ST7L: variants seen among roughly 807,000 people sequenced by gnomAD.
The protein encoded by ST7L is suppressor of tumorigenicity 7 protein-like.
A neutral mutation model predicts 72.5 loss-of-function variants in ST7L; 57 were observed. The ratio of observed to expected loss-of-function variants is 0.79; its 90% confidence interval spans 0.64 to 0.98. The LOEUF (loss-of-function observed/expected upper bound fraction) is 0.98. Among genes scored for constraint, ST7L ranks in the 50% least tolerant of loss-of-function variants. The probability of loss-of-function intolerance (pLI) is 0.00; values close to 1 mark genes in which losing one functional copy is unlikely to be tolerated. For synonymous variants in ST7L, 221 were observed against 240.9 expected, an observed-to-expected ratio of 0.92 and a Z score of 0.77; for missense variants, 576 against 672.2, an observed-to-expected ratio of 0.86 and a Z score of 1.58.
chr1:112,533,363 G>A (rs954436350), intron 14 of ST7L, among the ~76,000 whole-genome samples: 1 of 151,848 alleles, frequency 6.6e-6, no homozygotes, highest in Non-Finnish European at 1.5e-5. Flanking sequence ...TCTGTTGCCA[G>A]GCTGGAGTGC....
intron 14 of ST7L, among the ~76,000 whole-genome samples, chr1:112,541,584 G>A (rs1336563794): frequency 6.6e-6 from 1 of 152,048 alleles, no homozygotes. Flanking sequence ...AACAAATCCT[G>A]AGAACTAATG....
intron 11 of ST7L, among the ~76,000 whole-genome samples, chr1:112,558,457 T>C (rs751842244): frequency 5.3e-5 from 8 of 152,244 alleles, no homozygotes; most frequent in Non-Finnish European, 7.3e-5. Context: ...GTACTCCTCA[T>C]ATTATATCTA....
chr1:112,605,293 T>C (rs2100981307), intron 3 of ST7L, among the ~76,000 whole-genome samples: 1 of 152,246 alleles, frequency 6.6e-6, no homozygotes, highest in African/African-American at 2.4e-5. Context: ...CTCGGGAGGC[T>C]GAGGCAGGAG....
intron 11 of ST7L, among the ~76,000 whole-genome samples, chr1:112,568,861 A>AATATATATAAATATATATATAT (rs1410937307): frequency 1.7e-5 from 2 of 114,916 alleles, no homozygotes; most frequent in African/African-American, 7.0e-5. Flanking sequence ...TATAAATATA[A>AATATATATAAATATATATATAT]ATATATATAT....
At chr1:112,581,461 C>T (rs1664106967) in intron 9 of ST7L, among the ~76,000 whole-genome samples, 2 of 149,814 alleles carry the variant, frequency 1.3e-5, no homozygotes, top group Admixed American at 1.3e-4. Flanking sequence ...TACAGTGGTG[C>T]AGTCACAGCT....
chr1:112,577,293 C>A (rs1663264125), intron 10 of ST7L, among the ~76,000 whole-genome samples: 2 of 150,684 alleles, frequency 1.3e-5, no homozygotes, highest in African/African-American at 4.9e-5. Flanking sequence ...CTTTGGGAGG[C>A]TGAGATAGGT....
chr1:112,574,853 G>A lies in ST7L; in HGVS notation c.1245+2133C>T, dbSNP rs184575058. 5.3e-4 allele frequency among the ~76,000 whole-genome samples: 81 copies of A among 152,198 alleles called. 1 individual carries two copies. Among genetic ancestry groups the A allele is most frequent in the African/African-American group, 1.7e-3 (71 of 41,526 alleles). Reference sequence around the variant, plus strand: ...TGATAATGTTCTGTTTCTTGATCTCGATAGTTTTCAAGCATTTACTTTGTA... The same window carrying A: ...TGATAATGTTCTGTTTCTTGATCTCAATAGTTTTCAAGCATTTACTTTGTA... On this transcript the variant is annotated intron_variant, in intron 11 of 14. Coordinates refer to ENST00000358039, the MANE Select transcript of ST7L (RefSeq NM_017744.5).
rs1287878473 is a variant in ST7L at position 112,523,885 on chromosome 1, A to G, written c.*2128T>C. The G allele has an allele frequency of 6.6e-6, 1 of 152,108 alleles. No homozygotes were observed. The highest frequency in any genetic ancestry group is 2.4e-5 in the African/African-American group (1 of 41,400). 9.4% of individuals were successfully genotyped at this position (152,108 alleles called of 1,614,324 possible). A position where few individuals can be genotyped will look rare whatever the true frequency, so the allele number is the denominator to read the frequency against. ...TGTAAAAGTAAGAATGCCAGCCTTA[A>G]CCTAGCCCTGCAGATAAAAGCTAAC... On this transcript the variant is annotated 3_prime_UTR_variant, in exon 15 of 15. Transcript: ENST00000358039.
At chr1:112,560,967 GA>G (rs35379282) in intron 11 of ST7L, among the ~76,000 whole-genome samples, 16,852 of 90,208 alleles carry the variant, frequency 0.19, 1,203 homozygotes, top group Non-Finnish European at 0.26. Flanking sequence ...ACATCTTAAA[GA>G]AAAAAAAAAA....
intron 2 of ST7L, among the ~76,000 whole-genome samples, chr1:112,612,063 C>T (rs758209639): frequency 1.3e-5 from 2 of 151,220 alleles, no homozygotes; most frequent in Non-Finnish European, 2.9e-5. Context: ...ATAAACAAAG[C>T]ATATGCACAA....
At chr1:112,591,431 T>C in intron 6 of ST7L, 94 bp downstream of exon 6, 1 of 1,030,670 alleles carries the variant, frequency 9.7e-7, no homozygotes, top group Non-Finnish European at 1.4e-6. Context: ...GACTAATGAC[T>C]CCAAGTGTCT....
rs1221043511 is a variant in ST7L, at chr1:112,557,010, GA to G, written c.1246-993del. Among the ~76,000 whole-genome samples the G allele has an allele frequency of 6.6e-3, 595 of 90,132 alleles. 2 individuals are homozygous for G. Among genetic ancestry groups the G allele is most frequent in the African/African-American group, 0.022 (561 of 26,026 alleles). 59.1% of individuals were successfully genotyped at this position (90,132 alleles called of 152,430 possible). On this transcript the variant is annotated intron_variant, in intron 11 of 14. Coordinates refer to ENST00000358039, the MANE Select transcript of ST7L (RefSeq NM_017744.5). The stretch of plus-strand genomic sequence containing the variant: ...CAAAAAAAAAAAAACACAAAGAAAA[GA>G]AAAAAAAAGGTGCAATACATAGGAA...
At chr1:112,599,564 G>A (rs1316006390) in intron 4 of ST7L, among the ~76,000 whole-genome samples, 1 of 152,164 alleles carries the variant, frequency 6.6e-6, no homozygotes, top group Non-Finnish European at 1.5e-5. Context: ...AAAACCAGAA[G>A]AGAAATGGAC....
chr1:112,547,193 C>CTTTT (rs759140130), intron 13 of ST7L, among the ~76,000 whole-genome samples: 14 of 137,508 alleles, frequency 1.0e-4, no homozygotes, highest in South Asian at 4.7e-4. Flanking sequence ...TTCTTTCTTT[C>CTTTT]TTTTTTTTTT....
rs191874759 is a variant in ST7L, at chr1:112,603,870, C to T, written c.452-3022G>A. Among the ~76,000 whole-genome samples, 325 of 152,242 alleles carry T rather than the reference C, an allele frequency of 2.1e-3. 1 individual carries two copies. The highest frequency in any genetic ancestry group is 3.2e-3 in the Non-Finnish European group (217 of 68,020). ...CTTCCTGTCTTATCAGGTTTCCACT[C>T]TATTTTATCTTAATTACCACCTGAA... On this transcript the variant is annotated intron_variant, in intron 3 of 14. Transcript: ENST00000358039.
chr1:112,578,671 G>A (rs557384971), intron 9 of ST7L, among the ~76,000 whole-genome samples: 9 of 152,290 alleles, frequency 5.9e-5, no homozygotes, highest in African/African-American at 1.9e-4. Context: ...CTACTCAGGA[G>A]GCTGAGGCAG....
chr1:112,571,027 G>T (rs555837437), intron 11 of ST7L, among the ~76,000 whole-genome samples: 1 of 152,186 alleles, frequency 6.6e-6, no homozygotes, highest in Non-Finnish European at 1.5e-5. Context: ...AAAATTAGCT[G>T]CACGTGGTGG....
rs114209962 is a variant in ST7L at position 112,566,891 on chromosome 1, G to A, written c.1245+10095C>T. 1.9e-3 allele frequency among the ~76,000 whole-genome samples: 296 copies of A among 152,110 alleles called. 3 individuals carry two copies. In the South Asian group the frequency reaches 0.029, roughly 15 times the overall value. ...GACATTGGGATTGTTTCTAGTTTGG[G>A]GCTATTATAAATAGAACTGCTATGA... On this transcript the variant is annotated intron_variant, in intron 11 of 14. Coordinates refer to ENST00000358039, the MANE Select transcript of ST7L (RefSeq NM_017744.5).
chr1:112,536,508 C>A (rs963682822), intron 14 of ST7L, among the ~76,000 whole-genome samples: 1 of 152,050 alleles, frequency 6.6e-6, no homozygotes, highest in Admixed American at 6.6e-5. Flanking sequence ...GTAAAAGACA[C>A]TTGGCATTTA....
Sources: gnomAD v4.1 joint callset for allele counts (sites outside exome capture counted in the v4.1 genomes callset) on GRCh38, gnomAD v4.1.1 for gene constraint, MANE v1.5 for transcripts, NCBI Gene and HGNC (gene_info 2026-07-23, HGNC 2026-07-21) for gene names.